The following LIFR variants were observed in gnomAD, a reference collection of about 807,000 sequenced individuals.
The protein encoded by LIFR is leukemia inhibitory factor receptor.
LIFR carries 84 observed loss-of-function variants against 122.2 expected under a neutral mutation model. The observed-to-expected ratio is 0.69, with a 90% CI of 0.58 to 0.82. The LOEUF is 0.82. LIFR is among the 40% of genes least tolerant of loss of function. The pLI, the probability that LIFR is intolerant of heterozygous loss-of-function variation, is 0.00. For synonymous variants in LIFR, 422 were observed against 434.7 expected, an observed-to-expected ratio of 0.97 and a Z score of 0.36; for missense variants, 1,294 against 1,311.6, an observed-to-expected ratio of 0.99 and a Z score of 0.21.
intron 18 of LIFR, among the ~76,000 whole-genome samples, chr5:38,483,702 T>A (rs777952819): frequency 1.2e-4 from 18 of 152,230 alleles, no homozygotes; most frequent in Non-Finnish European, 2.4e-4. Flanking sequence ...GTGTTGGGAT[T>A]ACAGGCGTGA....
upstream of LIFR, among the ~76,000 whole-genome samples, chr5:38,598,658 A>T (rs1267279331): frequency 6.6e-6 from 1 of 151,812 alleles, no homozygotes; most frequent in Non-Finnish European, 1.5e-5. Flanking sequence ...GACACCCCTC[A>T]AGTGGCTAAC....
chr5:38,536,979 T>C (rs1217069366), intron 1 of LIFR, among the ~76,000 whole-genome samples: 1 of 152,210 alleles, frequency 6.6e-6, no homozygotes, highest in East Asian at 1.9e-4. Context: ...CTTAATTCCT[T>C]TGCATTTCCT....
Position 38,574,317 on chromosome 5 carries a change from C to T in LIFR, c.-20+20944G>A, listed in dbSNP as rs114558937. On this transcript the variant is annotated intron_variant, in intron 1 of 19. Coordinates refer to the LIFR transcript ENST00000263409. ...ATTTCATCTGCCTGAAATTTGTCAC[C>T]CCAATTCTTGGCCTGGCTCATGTCT... is the stretch of plus-strand genomic sequence containing the variant. 2.5e-3 allele frequency among the ~76,000 whole-genome samples: 382 copies of T among 152,184 alleles called. 1 individual carries two copies. Among genetic ancestry groups the T allele is most frequent in the African/African-American group, 8.6e-3 (358 of 41,516 alleles).
intron 1 of LIFR, among the ~76,000 whole-genome samples, chr5:38,582,633 CCATGAA>C (rs1749623525): frequency 6.6e-6 from 1 of 152,150 alleles, no homozygotes; most frequent in Non-Finnish European, 1.5e-5. Flanking sequence ...AAAATTATCT[CCATGAA>C]CCACCAGTAA....
chr5:38,512,104 G>T, intron 5 of LIFR, 140 bp from the exon 6 acceptor site: 2 of 825,462 alleles, frequency 2.4e-6, no homozygotes, highest in Non-Finnish European at 4.1e-6. Context: ...TCAGTTTTGT[G>T]TAAGGTATAA....
chr5:38,555,932 C>T (rs1244686328), intron 1 of LIFR, among the ~76,000 whole-genome samples: 7 of 152,156 alleles, frequency 4.6e-5, no homozygotes, highest in Non-Finnish European at 1.0e-4. Context: ...CATAAAAATA[C>T]AGGTAAGTCA....
At chr5:38,527,053 G>A in intron 4 of LIFR, 102 bp downstream of exon 4, 1 of 1,057,872 alleles carries the variant, frequency 9.5e-7, no homozygotes, top group Non-Finnish European at 1.4e-6. Flanking sequence ...TGAATTAAAA[G>A]TAATAGCATA....
At chr5:38,527,376 A>G in intron 3 of LIFR, 82 bp from the exon 4 acceptor site, 9 of 885,936 alleles carry the variant, frequency 1.0e-5, no homozygotes, top group Non-Finnish European at 1.6e-5. Context: ...ACAAAATACA[A>G]TGGAAAATAC....
chr5:38,485,726 A>G (rs1454142111), intron 17 of LIFR, 93 bp downstream of exon 17: 17 of 1,412,356 alleles, frequency 1.2e-5, no homozygotes, highest in Middle Eastern at 3.5e-4. Context: ...TGTTTTTTAG[A>G]AAGGGCGGGG....
chr5:38,535,478 C>A (rs1747249057), intron 1 of LIFR, among the ~76,000 whole-genome samples: 1 of 152,182 alleles, frequency 6.6e-6, no homozygotes. Flanking sequence ...GCCACGCCCA[C>A]TAGTTTAAGT....
At chr5:38,539,678 G>C (rs987120941) in intron 1 of LIFR, among the ~76,000 whole-genome samples, 6 of 151,560 alleles carry the variant, frequency 4.0e-5, no homozygotes, top group African/African-American at 7.3e-5. Context: ...TGGTTTTTTG[G>C]GGGGGGTAAT....
Position 38,502,811 on chromosome 5 carries a change from C to T in LIFR, c.1438-12G>A. 2 of 1,428,328 alleles carry T rather than the reference C, an allele frequency of 1.4e-6. No individual in the cohort carries two copies. The highest frequency in any genetic ancestry group is 1.9e-6 in the Non-Finnish European group (2 of 1,033,180). The allele number at this position is 1,428,328 out of a possible 1,614,324, so 88.5% of individuals were successfully genotyped here. A position where few individuals can be genotyped will look rare whatever the true frequency, so the allele number is the denominator to read the frequency against. ...ATTGTGACATTCCGCTATTGGAAAA[C>T]AAATAAATATATATATATGTATATA... is the stretch of plus-strand genomic sequence containing the variant. On this transcript the variant is annotated splice_polypyrimidine_tract_variant and intron_variant, in intron 10 of 19. Coordinates refer to ENST00000453190, the MANE Select transcript of LIFR (RefSeq NM_001127671.2).
At chr5:38,530,763 T>G in intron 1 of LIFR, 97 bp from the exon 2 acceptor site, 1 of 1,083,774 alleles carries the variant, frequency 9.2e-7, no homozygotes, top group Non-Finnish European at 1.4e-6. Flanking sequence ...TGACAGATTC[T>G]GAAACACTGT....
intron 11 of LIFR, among the ~76,000 whole-genome samples, chr5:38,500,157 C>CT (rs1310305248): frequency 6.6e-6 from 1 of 152,120 alleles, no homozygotes; most frequent in Non-Finnish European, 1.5e-5. Flanking sequence ...ACTGATGTGT[C>CT]TGTGTCTTTG....
intron 15 of LIFR, 94 bp downstream of exon 15, chr5:38,490,096 A>T (rs1384836896): frequency 5.6e-6 from 3 of 533,226 alleles, no homozygotes; most frequent in Non-Finnish European, 1.0e-5. Context: ...TCAATTATAC[A>T]TCTTATTTTT....
intron 1 of LIFR, among the ~76,000 whole-genome samples, chr5:38,575,491 G>A (rs1749355052): frequency 6.6e-6 from 1 of 152,182 alleles, no homozygotes; most frequent in Non-Finnish European, 1.5e-5. Context: ...GTTGTCTGAT[G>A]TGCTGGTTAC....
intron 1 of LIFR, among the ~76,000 whole-genome samples, chr5:38,544,470 G>T (rs546407324): frequency 1.3e-5 from 2 of 151,922 alleles, no homozygotes; most frequent in African/African-American, 4.8e-5. Context: ...CCTATCATGG[G>T]GAATCACCTT....
rs370247948 is a variant in LIFR, at chr5:38,552,186, T to C, written c.-20+4148A>G. On this transcript the variant is annotated intron_variant, in intron 1 of 19. Transcript: ENST00000453190. The stretch of plus-strand genomic sequence containing the variant: ...ACTGCTTATTATGCTAAGTTATTAA[T>C]TGATTAAGATAGGAAATAAAAAAGT... Among the ~76,000 whole-genome samples the C allele has an allele frequency of 1.2e-4, 18 of 152,330 alleles. No homozygotes were observed. The East Asian group carries it at 1.5e-3, about 13-fold the overall frequency.
chr5:38,569,152 C>T (rs946721743), intron 1 of LIFR, among the ~76,000 whole-genome samples: 1 of 152,216 alleles, frequency 6.6e-6, no homozygotes, highest in African/African-American at 2.4e-5. Context: ...CATTTTTACA[C>T]TTGTTACTGA....
Sources: allele counts gnomAD v4.1 joint callset (sites outside exome capture counted in the v4.1 genomes callset), GRCh38; gene constraint gnomAD v4.1.1; transcripts MANE v1.5; gene names NCBI Gene and HGNC (gene_info 2026-07-23, HGNC 2026-07-21).